The following DCAF1 variants were observed in gnomAD, a reference collection of about 807,000 sequenced individuals.
DCAF1 encodes DDB1 and CUL4 associated factor 1.
Under a neutral mutation model 128.0 loss-of-function variants are expected in DCAF1, and 15 were observed. That is an observed-to-expected ratio of 0.12 (90% CI 0.08 to 0.18). The LOEUF is 0.18. DCAF1 is among the 10% of genes least tolerant of loss of function. DCAF1 has a pLI of 1.00. For synonymous variants in DCAF1, 610 were observed against 603.0 expected (o/e 1.01, Z -0.17); for missense variants, 988 against 1,649.5 (o/e 0.60, Z 6.95).
intron 5 of DCAF1, among the ~76,000 whole-genome samples, chr3:51,464,635 C>G (rs1169237151): frequency 6.7e-6 from 1 of 150,372 alleles, no homozygotes; most frequent in Non-Finnish European, 1.5e-5. Flanking sequence ...GTCAAGGCTG[C>G]AGTGAGTGAT....
intron 13 of DCAF1, among the ~76,000 whole-genome samples, chr3:51,422,986 T>C (rs1699549316): frequency 6.6e-6 from 1 of 151,862 alleles, no homozygotes; most frequent in Non-Finnish European, 1.5e-5. Context: ...GAGGATCACC[T>C]ATGCCCAGGA....
intron 4 of DCAF1, 67 bp from the exon 5 acceptor site, chr3:51,466,943 C>T (rs1303836768): frequency 2.7e-6 from 4 of 1,482,136 alleles, no homozygotes; most frequent in South Asian, 1.2e-5. Context: ...GCAACTTAGA[C>T]CTCTGGAAAG....
chr3:51,462,491 A>C (rs1703705874), intron 6 of DCAF1, among the ~76,000 whole-genome samples: 1 of 152,166 alleles, frequency 6.6e-6, no homozygotes, highest in Non-Finnish European at 1.5e-5. Context: ...CACGCCTGTA[A>C]TGCCAGCACT....
chr3:51,497,158 G>T (rs977210242), intron 1 of DCAF1, among the ~76,000 whole-genome samples: 1 of 152,148 alleles, frequency 6.6e-6, no homozygotes, highest in Admixed American at 6.6e-5. Context: ...AGCCAGGCGT[G>T]GGGGCACACA....
chr3:51,408,725 G>A (rs886361775), intron 23 of DCAF1, among the ~76,000 whole-genome samples: 5 of 152,096 alleles, frequency 3.3e-5, no homozygotes, highest in African/African-American at 7.2e-5. Flanking sequence ...AAATAGATAC[G>A]GTATTATCCC....
intron 9 of DCAF1, among the ~76,000 whole-genome samples, chr3:51,434,805 C>T (rs1700670794): frequency 6.6e-6 from 1 of 152,206 alleles, no homozygotes; most frequent in Non-Finnish European, 1.5e-5. Flanking sequence ...ACTAGCCTCT[C>T]TGGGTGGAGA....
intron 2 of DCAF1, among the ~76,000 whole-genome samples, chr3:51,491,383 T>C (rs1707625896): frequency 6.6e-6 from 1 of 150,856 alleles, no homozygotes; most frequent in Non-Finnish European, 1.5e-5. Context: ...ATCACACTTC[T>C]GATTTCAAAA....
chr3:51,407,993 A>AAAC (rs1189908496), intron 23 of DCAF1, among the ~76,000 whole-genome samples: 4 of 141,658 alleles, frequency 2.8e-5, no homozygotes. Context: ...TCAAAAAAAA[A>AAAC]AAAAAAAAAA....
chr3:51,436,297 T>TC (rs144326971), intron 9 of DCAF1: 488,497 of 496,692 alleles, frequency 0.98, 240,643 homozygotes, highest in Non-Finnish European at 1. Flanking sequence ...TCAGCAGAGT[T>TC]CTAGGCTTGA....
chr3:51,456,174 A>G (rs1490578383), intron 6 of DCAF1, among the ~76,000 whole-genome samples: 2 of 152,252 alleles, frequency 1.3e-5, no homozygotes, highest in Admixed American at 6.5e-5. Context: ...AATCGGTGAC[A>G]GACAGCACCT....
chr3:51,419,816 A>G lies in DCAF1; in HGVS notation c.3154T>C (p.Ser1052Pro). The G allele has an allele frequency of 1.2e-6, 2 of 1,614,034 alleles. No individual in the cohort carries two copies. The highest frequency in any genetic ancestry group is 1.7e-6 in the Non-Finnish European group (2 of 1,179,904). Residue 1052 changes from serine to proline, a missense_variant, in exon 15 of 25, where the codon TCA (serine) becomes CCA (proline). Coordinates refer to ENST00000684031, the MANE Select transcript of DCAF1 (RefSeq NM_001387579.1). ...AATGATGCCCTGCGGTTTAGCCTTG[A>G]CGTAAAGTTTATTGGCGCTTGCCGC... ...QRRQAPINFT[S>P]RLNRRASFPK...
rs571181802 is a variant in DCAF1, at chr3:51,487,291, G to A, written c.-8-3455C>T. ...AGCCAAAACAAACTTTTTATGTGGA[G>A]TAATTTTAGATTTACAGAAAAGCTG... On this transcript the variant is annotated intron_variant, in intron 2 of 24. Coordinates refer to ENST00000684031, the MANE Select transcript of DCAF1 (RefSeq NM_001387579.1). 5.9e-5 allele frequency among the ~76,000 whole-genome samples: 9 copies of A among 152,270 alleles called. No individual in the cohort carries two copies. In the East Asian group the frequency reaches 1.5e-3, roughly 26 times the overall value.
Position 51,436,024 on chromosome 3 carries a change from A to G in DCAF1, c.1129-2760T>C, listed in dbSNP as rs1321809892. On this transcript the variant is annotated intron_variant, in intron 9 of 24. Coordinates refer to ENST00000684031, the MANE Select transcript of DCAF1 (RefSeq NM_001387579.1). ...GACCTTGGTCCCAGAGTCTTCATAA[A>G]TGCTCACTGAAGAAAATTCCCAGGA... 3.3e-5 allele frequency among the ~76,000 whole-genome samples: 5 copies of G among 152,226 alleles called. No homozygotes were observed. The East Asian group carries it at 9.6e-4, about 29-fold the overall frequency.
At chr3:51,466,568 T>A (rs1577240980) in intron 5 of DCAF1, among the ~76,000 whole-genome samples, 1 of 152,012 alleles carries the variant, frequency 6.6e-6, no homozygotes, top group African/African-American at 2.4e-5. Context: ...GCCCCTATAT[T>A]CTCAAATTCA....
Position 51,420,453 on chromosome 3 carries a change from G to A in DCAF1, c.2517C>T (p.Ala839=), listed in dbSNP as rs1190978617. 1.2e-5 allele frequency: 19 copies of A among 1,614,006 alleles called. No homozygotes were observed. The highest frequency in any genetic ancestry group is 1.7e-5 in the Admixed American group (1 of 60,028). Residue 839 remains alanine, a synonymous_variant, in exon 15 of 25, where the codon GCC becomes GCT. Coordinates refer to ENST00000684031, the MANE Select transcript of DCAF1 (RefSeq NM_001387579.1). This position sits in a 1 kb window ranked among gnomAD's most constrained non-coding sequence, Gnocchi z 6.5. Reference sequence around the variant, plus strand: ...TCTCAGGGAAGGAGATCCTTGACTGGGCAACAACATCTGCTTTCTGCAGTC... The same window carrying A: ...TCTCAGGGAAGGAGATCCTTGACTGAGCAACAACATCTGCTTTCTGCAGTC... ...LARLQKADVV[A]QSRISFPEKE...
intron 15 of DCAF1, among the ~76,000 whole-genome samples, chr3:51,419,129 AG>A (rs1225899195): frequency 9.9e-5 from 15 of 151,978 alleles, no homozygotes; most frequent in African/African-American, 2.4e-5. Flanking sequence ...GGGAGGCCGA[AG>A]GGGGGGTATC....
chr3:51,400,621 G>A (rs775403142), intron 24 of DCAF1, among the ~76,000 whole-genome samples: 1 of 151,908 alleles, frequency 6.6e-6, no homozygotes, highest in East Asian at 1.9e-4. Flanking sequence ...ACCATAGGAC[G>A]CCTTTCTCTA....
chr3:51,429,184 C>G, intron 12 of DCAF1, 77 bp downstream of exon 12: 7 of 705,602 alleles, frequency 9.9e-6, no homozygotes, highest in South Asian at 9.0e-5. Context: ...GTCCACTGAT[C>G]TGAATGTGAG....
chr3:51,421,085 C>T (rs1699348977), intron 14 of DCAF1, 88 bp from the exon 15 acceptor site: 1 of 1,442,464 alleles, frequency 6.9e-7, no homozygotes, highest in Admixed American at 2.3e-5. Flanking sequence ...TGGTGTTCTA[C>T]TCACTTTTAC....
Sources: gnomAD v4.1 joint callset for allele counts (sites outside exome capture counted in the v4.1 genomes callset) on GRCh38, gnomAD v4.1.1 for gene constraint, Gnocchi (gnomAD v3.1) non-coding constraint, MANE v1.5 for transcripts, NCBI Gene and HGNC (gene_info 2026-07-23, HGNC 2026-07-21) for gene names.